Variants in IFT140 observed in about 807,000 individuals in gnomAD.
IFT140 encodes intraflagellar transport protein 140 homolog.
In IFT140, 133 loss-of-function variants were observed where a neutral mutation model predicts 164.6. The ratio of observed to expected loss-of-function variants is 0.81; its 90% CI spans 0.70 to 0.93. IFT140 has a LOEUF of 0.93. Ranked by LOEUF, IFT140 falls within the 40% of genes least tolerant of loss-of-function variation. The pLI is 0.00. For synonymous variants in IFT140, 860 were observed against 817.3 expected, an observed-to-expected ratio of 1.05 and a Z score of -0.89; for missense variants, 2,045 against 1,972.3, an observed-to-expected ratio of 1.04 and a Z score of -0.70.
At position 1,524,641 on chromosome 16, in the gene IFT140, G is replaced by T; in HGVS notation, c.3052C>A (p.Arg1018Ser). Residue 1018 changes from arginine (R) to serine (S), a missense_variant, in exon 24 of 31, where the codon CGC (arginine) becomes AGC (serine). Transcript: ENST00000426508. ...GNLAASYHLA[R>S]QYESQEEVGQ... The stretch of plus-strand genomic sequence containing the variant: ...ACCTCCTCCTGGCTCTCGTACTGGC[G>T]GGCGAGGTGGTAGGAGGCCGCCAGG... 1 of 1,593,494 alleles carries T rather than the reference G, an allele frequency of 6.3e-7. No individual in the cohort carries two copies. Among genetic ancestry groups the T allele is most frequent in the Non-Finnish European group, 8.6e-7 (1 of 1,166,738 alleles).
chr16:1,597,730 A>T (rs1286061902), intron 4 of IFT140, among the ~76,000 whole-genome samples: 2 of 152,216 alleles, frequency 1.3e-5, no homozygotes, highest in Non-Finnish European at 2.9e-5. Context: ...ACAAGACTTG[A>T]TCAACTGATA....
intron 19 of IFT140, among the ~76,000 whole-genome samples, chr16:1,550,263 AG>A (rs958007054): frequency 1.3e-5 from 2 of 152,168 alleles, no homozygotes; most frequent in African/African-American, 4.8e-5. Flanking sequence ...ATTTAGAAAC[AG>A]TGTTCTTGGA....
intron 4 of IFT140, 28 bp from the exon 5 acceptor site, chr16:1,592,616 G>A (rs1178334222): frequency 1.2e-6 from 2 of 1,609,026 alleles, no homozygotes; most frequent in African/African-American, 1.3e-5. Context: ...CACGTGTTAG[G>A]ACAGGTGTCC....
chr16:1,585,766 CTTTTTTTTTTT>C (rs916504738), intron 10 of IFT140, among the ~76,000 whole-genome samples: 5 of 119,362 alleles, frequency 4.2e-5, no homozygotes, highest in African/African-American at 1.2e-4. Flanking sequence ...CCTCCACTTT[CTTTTTTTTTTT>C]TTTTTTTTTT....
intron 19 of IFT140, chr16:1,541,634 G>C (rs2031646899): frequency 2.4e-6 from 1 of 423,274 alleles, no homozygotes; most frequent in South Asian, 1.0e-4. Flanking sequence ...GCTGTCTCAG[G>C]AAGACAGAAA....
At chr16:1,524,472 C>T in intron 24 of IFT140, 80 bp downstream of exon 24, 1 of 1,549,154 alleles carries the variant, frequency 6.5e-7, no homozygotes, top group African/African-American at 1.4e-5. Context: ...TGACACGATT[C>T]TCTCTGTCCA....
At chr16:1,583,533 T>C in intron 11 of IFT140, 147 bp from the exon 12 acceptor site, 1 of 624,564 alleles carries the variant, frequency 1.6e-6, no homozygotes, top group South Asian at 2.0e-5. Flanking sequence ...CTGGGTCCTC[T>C]GTGGACAGGC....
chr16:1,603,048 CTT>C (rs1213381957), intron 3 of IFT140, among the ~76,000 whole-genome samples: 3 of 152,186 alleles, frequency 2.0e-5, no homozygotes, highest in Non-Finnish European at 4.4e-5. Flanking sequence ...TCAGTAGACT[CTT>C]TAATTTTTCA....
intron 8 of IFT140, 92 bp from the exon 9 acceptor site, chr16:1,587,396 G>T: frequency 1.3e-6 from 1 of 787,622 alleles, no homozygotes; most frequent in Non-Finnish European, 2.2e-6. Flanking sequence ...AACATTAAAA[G>T]TCAGGAAAAA....
intron 3 of IFT140, among the ~76,000 whole-genome samples, chr16:1,605,078 C>T (rs1296344156): frequency 6.6e-6 from 1 of 152,096 alleles, no homozygotes; most frequent in Non-Finnish European, 1.5e-5. Flanking sequence ...TGTCTGCAAG[C>T]CACTGGGGAT....
chr16:1,545,046 T>G (rs2032049180), intron 19 of IFT140, among the ~76,000 whole-genome samples: 1 of 152,262 alleles, frequency 6.6e-6, no homozygotes, highest in Non-Finnish European at 1.5e-5. Context: ...GCTTACTTCC[T>G]GCAAAATCTT....
At chr16:1,543,791 A>G (rs2031887596) in intron 19 of IFT140, among the ~76,000 whole-genome samples, 2 of 152,212 alleles carry the variant, frequency 1.3e-5, no homozygotes, top group African/African-American at 4.8e-5. Context: ...CCCGAGGGCC[A>G]TAAAACAGAG....
In IFT140 at chr16:1,564,075, G is replaced by A. The variant is rs781117803; in HGVS notation, c.1989C>T (p.Cys663=). Residue 663 remains cysteine, a synonymous_variant, in exon 17 of 31, where the codon TGC becomes TGT. Transcript: ENST00000426508. The surrounding 1 kb of genome is among the most constrained non-coding windows in gnomAD (Gnocchi z 5.5). ...WDQSEPRLFV[C]EAVQETPRSQ... ...AGCGCGGCGTCTCCTGCACGGCTTC[G>A]CATACAAACAGCCGGGGCTCACTCT... 1.8e-5 allele frequency: 29 copies of A among 1,604,062 alleles called. No individual in the cohort carries two copies. Among genetic ancestry groups the A allele is most frequent in the African/African-American group, 4.0e-5 (3 of 74,696 alleles).
rs34762152 is a variant in IFT140 at position 1,584,384 on chromosome 16, C to T, written c.1192G>A (p.Val398Ile). The T allele has an allele frequency of 0.067, 108,769 of 1,611,480 alleles. 3,981 individuals carry two copies. The highest frequency in any genetic ancestry group is 0.13 in the African/African-American group (9,972 of 74,924). ...SRKNLLAVNS[V>I]ISVAILSERA... ...TCGCTGAGGATGGCCACGGAGATGACGCTGTTCACTGCCAGCAGGTTCTTC... is the reference window on the plus strand; with the variant it reads ...TCGCTGAGGATGGCCACGGAGATGATGCTGTTCACTGCCAGCAGGTTCTTC... The change falls in exon 11 of 31, where the codon GTC becomes ATC. Residue 398 changes from valine to isoleucine, a missense_variant. By Grantham distance (29) the Val-to-Ile change is conservative. Transcript: ENST00000426508.
At chr16:1,541,695 C>G (rs534284692) in intron 19 of IFT140, among the ~76,000 whole-genome samples, 1 of 152,210 alleles carries the variant, frequency 6.6e-6, no homozygotes, top group Middle Eastern at 3.4e-3. Flanking sequence ...CAGCCAGGCC[C>G]GGCGGCTGGG....
chr16:1,520,605 C>T lies in IFT140; in HGVS notation c.3657G>A (p.Leu1219=). 1 of 1,578,754 alleles carries T rather than the reference C, an allele frequency of 6.3e-7. No homozygotes were observed. Residue 1219 remains leucine, a synonymous_variant, in exon 27 of 31, where the codon CTG becomes CTA. Transcript: ENST00000426508. Reference sequence around the variant, plus strand: ...GCTGGGGCCGGGAGAGGCTCACCTTCAGCTTGTTGCCGGCCTGCGTGTACT... The same window carrying T: ...GCTGGGGCCGGGAGAGGCTCACCTTTAGCTTGTTGCCGGCCTGCGTGTACT... ...TKKYTQAGNK[L]KAMRALLKSG... is the part of the protein sequence containing the mutation.
At chr16:1,528,454 T>C (rs2030038613) in intron 19 of IFT140, among the ~76,000 whole-genome samples, 2 of 148,172 alleles carry the variant, frequency 1.3e-5, no homozygotes, top group South Asian at 4.2e-4. Flanking sequence ...TTCACATGCA[T>C]GCACACACAC....
At position 1,538,018 on chromosome 16, in the gene IFT140, C is replaced by CAGCCACGCAG. The variant is rs755034925; in HGVS notation, c.2400-11232_2400-11223dup. Among the ~76,000 whole-genome samples the CAGCCACGCAG allele has an allele frequency of 5.9e-5, 9 of 152,338 alleles. No homozygotes were observed. In the Middle Eastern group the frequency reaches 0.01, roughly 173 times the overall value. ...TTTAAAAGTCAGCTGCTACCACGCA[C>CAGCCACGCAG]AGCCACGCAGAGCCACGCAGAGCCA... is the stretch of plus-strand genomic sequence containing the variant. On this transcript the variant is annotated intron_variant, in intron 19 of 30. Coordinates refer to ENST00000426508, the MANE Select transcript of IFT140 (RefSeq NM_014714.4).
intron 16 of IFT140, among the ~76,000 whole-genome samples, 189 bp downstream of exon 16, chr16:1,565,972 G>C (rs966991836): frequency 3.9e-5 from 6 of 152,164 alleles, no homozygotes; most frequent in African/African-American, 1.4e-4. Context: ...CCTTCCACCT[G>C]AAGGACAGAG....
Sources: gnomAD v4.1 joint callset for allele counts (sites outside exome capture counted in the v4.1 genomes callset) on GRCh38, gnomAD v4.1.1 for gene constraint, Gnocchi (gnomAD v3.1) non-coding constraint, MANE v1.5 for transcripts, NCBI Gene and HGNC (gene_info 2026-07-23, HGNC 2026-07-21) for gene names.